INTS9: variants seen among roughly 807,000 people sequenced by gnomAD.
INTS9 encodes the protein protein related to CPSF subunits of 74 kDa.
In INTS9, 55 loss-of-function variants were observed where a neutral mutation model predicts 79.7. That is an observed-to-expected ratio of 0.69 (90% confidence interval 0.56 to 0.86). The LOEUF is 0.86. INTS9 is among the 40% of genes least tolerant of loss of function. The probability of loss-of-function intolerance (pLI) is 0.00; values close to 1 mark genes in which losing one functional copy is unlikely to be tolerated. For missense variants in INTS9, 721 were observed against 831.5 expected (o/e 0.87, Z 1.64); for synonymous variants, 319 against 325.2 (o/e 0.98, Z 0.20).
chr8:28,808,684 C>A (rs1258743244), intron 8 of INTS9, among the ~76,000 whole-genome samples: 1 of 152,230 alleles, frequency 6.6e-6, no homozygotes, highest in Admixed American at 6.5e-5. Flanking sequence ...CAATGTCATG[C>A]AGACATAAGA....
rs77676687 is a variant in INTS9, at chr8:28,847,132, C to T, written c.199-323G>A. ...TTCCAAATAAGGTATGCAAACTGTA[C>T]TAGCAACACCAGAATTATGTGGGGA... is the stretch of plus-strand genomic sequence containing the variant. On this transcript the variant is annotated intron_variant, in intron 3 of 16. Transcript: ENST00000521022. Among the ~76,000 whole-genome samples, 431 of 152,278 alleles carry T rather than the reference C, an allele frequency of 2.8e-3. 1 individual carries two copies. Among genetic ancestry groups the T allele is most frequent in the African/African-American group, 9.9e-3 (411 of 41,560 alleles).
At chr8:28,844,877 A>G (rs936589142) in intron 4 of INTS9, among the ~76,000 whole-genome samples, 4 of 152,232 alleles carry the variant, frequency 2.6e-5, no homozygotes, top group African/African-American at 9.6e-5. Context: ...AAATGAGAAA[A>G]TAGACTAGTT....
intron 11 of INTS9, among the ~76,000 whole-genome samples, chr8:28,783,043 G>T (rs1363103546): frequency 1.3e-5 from 2 of 151,642 alleles, no homozygotes; most frequent in East Asian, 3.9e-4. Context: ...TACTCGGGAG[G>T]CTGAGGCAGG....
chr8:28,799,379 A>G (rs1487106259), intron 8 of INTS9: 1 of 152,270 alleles, frequency 6.6e-6, no homozygotes, highest in Non-Finnish European at 1.5e-5. Flanking sequence ...CTTCCTTTGA[A>G]TGTTAAATGA....
chr8:28,813,502 G>A lies in INTS9; in HGVS notation c.599C>T (p.Ser200Phe). ...AATATGAATACTCACAATTTTCTGA[G>A]AATATCCCACCAGCTGGATTTTACT... ...ALSKIQLVGY[S>F]QKIELFGAVQ... is the part of the protein sequence containing the mutation. The change falls in exon 7 of 17, where the codon TCT becomes TTT. Residue 200 changes from serine (S) to phenylalanine (F), a missense_variant. Ser to Phe is a radical substitution (Grantham distance 155, BLOSUM62 -2). Coordinates refer to ENST00000521022, the MANE Select transcript of INTS9 (RefSeq NM_018250.4). The A allele has an allele frequency of 6.2e-7, 1 of 1,613,054 alleles. No individual in the cohort carries two copies. The highest frequency in any genetic ancestry group is 8.5e-7 in the Non-Finnish European group (1 of 1,179,208).
intron 1 of INTS9, among the ~76,000 whole-genome samples, chr8:28,874,658 C>G (rs1401503038): frequency 6.6e-6 from 1 of 152,114 alleles, no homozygotes; most frequent in Non-Finnish European, 1.5e-5. Flanking sequence ...AATTCTTATT[C>G]TTTACTGTCT....
intron 16 of INTS9, 144 bp downstream of exon 16, chr8:28,769,745 G>T (rs947562296): frequency 7.7e-6 from 8 of 1,034,080 alleles, no homozygotes; most frequent in Non-Finnish European, 1.1e-5. Flanking sequence ...CTCCCAGCAG[G>T]ACCTTAGACC....
At chr8:28,788,402 A>G (rs1488438321) in intron 10 of INTS9, among the ~76,000 whole-genome samples, 3 of 152,178 alleles carry the variant, frequency 2.0e-5, no homozygotes, top group Non-Finnish European at 2.9e-5. Flanking sequence ...ACCTTGAGAC[A>G]TGGCTTCTGT....
At chr8:28,833,311 C>A (rs551352464) in intron 6 of INTS9, among the ~76,000 whole-genome samples, 1 of 151,962 alleles carries the variant, frequency 6.6e-6, no homozygotes, top group East Asian at 1.9e-4. Context: ...GCATATGGAA[C>A]GTAAACTGCC....
intron 1 of INTS9, among the ~76,000 whole-genome samples, chr8:28,888,300 C>G (rs550915604): frequency 6.6e-6 from 1 of 152,282 alleles, no homozygotes; most frequent in South Asian, 2.1e-4. Flanking sequence ...GCCTGTAATT[C>G]CAGCACTTTG....
intron 11 of INTS9, among the ~76,000 whole-genome samples, chr8:28,786,384 A>G (rs1416577773): frequency 6.6e-6 from 1 of 151,836 alleles, no homozygotes; most frequent in African/African-American, 2.4e-5. Context: ...GAACTCCCTC[A>G]GCTTCAGGTG....
At chr8:28,837,895 G>A in intron 4 of INTS9, 119 bp from the exon 5 acceptor site, 1 of 956,772 alleles carries the variant, frequency 1.0e-6, no homozygotes, top group South Asian at 1.7e-5. Flanking sequence ...AATAATGATG[G>A]CTTTCCTGCA....
chr8:28,808,222 C>T (rs868091432), intron 8 of INTS9, among the ~76,000 whole-genome samples: 2 of 148,462 alleles, frequency 1.3e-5, no homozygotes, highest in African/African-American at 5.0e-5. Flanking sequence ...GAGACGGAGT[C>T]TCTCTCTGTT....
Position 28,870,357 on chromosome 8 carries a change from T to C in INTS9, c.10-10794A>G, listed in dbSNP as rs572197492. On this transcript the variant is annotated intron_variant, in intron 1 of 16. Transcript: ENST00000521022. Reference sequence around the variant, plus strand: ...TTAGAATCAGAAAAAAGCTTTTTTTTTTTTTTTTTTTTTTGAATAGAGTCA... The same window carrying C: ...TTAGAATCAGAAAAAAGCTTTTTTTCTTTTTTTTTTTTTTGAATAGAGTCA... Among the ~76,000 whole-genome samples the C allele has an allele frequency of 3.1e-3, 449 of 145,180 alleles. 4 individuals carry two copies. Among genetic ancestry groups the C allele is most frequent in the African/African-American group, 0.011 (426 of 37,986 alleles).
intron 4 of INTS9, among the ~76,000 whole-genome samples, chr8:28,844,923 C>T (rs987780501): frequency 6.6e-6 from 1 of 152,074 alleles, no homozygotes; most frequent in South Asian, 2.1e-4. Context: ...ACATGCCTAA[C>T]GTTTTCTTAA....
chr8:28,860,010 A>G (rs1295453878), intron 1 of INTS9, among the ~76,000 whole-genome samples: 1 of 151,266 alleles, frequency 6.6e-6, no homozygotes, highest in Non-Finnish European at 1.5e-5. Context: ...ACCTTCCTCA[A>G]AGAGGAACTG....
chr8:28,881,597 T>C (rs1271720459), intron 1 of INTS9, among the ~76,000 whole-genome samples: 34 of 63,898 alleles, frequency 5.3e-4, no homozygotes, highest in Admixed American at 1.2e-3. Flanking sequence ...GCCCCCCGCC[T>C]GGCCAGCCGC....
intron 11 of INTS9, among the ~76,000 whole-genome samples, chr8:28,783,137 C>T (rs540626589): frequency 6.6e-5 from 8 of 120,378 alleles, no homozygotes; most frequent in East Asian, 5.4e-4. Flanking sequence ...AGTGAGACTC[C>T]GTCTCAAAAA....
At chr8:28,775,609 C>T in intron 14 of INTS9, 150 bp downstream of exon 14, 3 of 855,362 alleles carry the variant, frequency 3.5e-6, no homozygotes, top group Non-Finnish European at 3.5e-6. Flanking sequence ...ACCTTGGCCG[C>T]CCAAAGTGCT....
Sources: allele counts gnomAD v4.1 joint callset (sites outside exome capture counted in the v4.1 genomes callset), GRCh38; gene constraint gnomAD v4.1.1; transcripts MANE v1.5; gene names NCBI Gene and HGNC (gene_info 2026-07-23, HGNC 2026-07-21).